The following FRMPD4 variants were observed in gnomAD, a reference collection of about 807,000 sequenced individuals.
FRMPD4 encodes FERM and PDZ domain containing 4.
A neutral mutation model predicts 94.1 loss-of-function variants in FRMPD4; 22 were observed. The ratio of observed to expected loss-of-function variants is 0.23; its 90% CI spans 0.17 to 0.33. The LOEUF is 0.33. Among genes scored for constraint, FRMPD4 ranks in the 10% least tolerant of loss-of-function variants. The pLI is 1.00. For synonymous variants in FRMPD4, 631 were observed against 548.6 expected, an observed-to-expected ratio of 1.15 and a Z score of -2.10; for missense variants, 1,111 against 1,339.9, an observed-to-expected ratio of 0.83 and a Z score of 2.67.
chrX:12,229,310 G>A (rs1466855787), intron 1 of FRMPD4, among the ~76,000 whole-genome samples: 3 of 111,836 alleles, frequency 2.7e-5, no homozygotes, highest in African/African-American at 9.8e-5. Context: ...TCCACTGTGG[G>A]AATTCACTTA....
intron 3 of FRMPD4, among the ~76,000 whole-genome samples, chrX:11,886,357 C>A (rs1032522682): frequency 1.8e-5 from 2 of 111,346 alleles, no homozygotes; most frequent in Non-Finnish European, 1.9e-5. Context: ...GAGAGGAGAT[C>A]GATTTAGACA....
chrX:12,305,725 G>GTTTTTTTTTGTTTTTTTTTTTTT (rs563804861), intron 1 of FRMPD4, among the ~76,000 whole-genome samples: 1 of 59,701 alleles, frequency 1.7e-5, no homozygotes, highest in African/African-American at 7.6e-5. Flanking sequence ...AGCTGGCTAA[G>GTTTTTTTTTGTTTTTTTTTTTTT]TTTTTTTTTT....
intron 3 of FRMPD4, among the ~76,000 whole-genome samples, chrX:12,075,530 C>T (rs988025989): frequency 8.9e-6 from 1 of 111,957 alleles, no homozygotes; most frequent in Non-Finnish European, 1.9e-5. Context: ...ATTCTGCATG[C>T]CTTATGACCA....
chrX:12,143,905 A>G (rs1294995626), intron 1 of FRMPD4, among the ~76,000 whole-genome samples: 1 of 112,303 alleles, frequency 8.9e-6, no homozygotes, highest in Non-Finnish European at 1.9e-5. Flanking sequence ...AAAATTATGC[A>G]TGCTTATTCT....
chrX:12,255,955 C>G (rs1399030896), intron 1 of FRMPD4, among the ~76,000 whole-genome samples: 1 of 112,119 alleles, frequency 8.9e-6, no homozygotes, highest in East Asian at 2.8e-4. Flanking sequence ...GAACTTGATT[C>G]TTGAAGTTGA....
At chrX:12,247,429 C>A (rs2053971908) in intron 1 of FRMPD4, among the ~76,000 whole-genome samples, 1 of 111,948 alleles carries the variant, frequency 8.9e-6, no homozygotes, top group Non-Finnish European at 1.9e-5. Flanking sequence ...AAAATCATTG[C>A]TCTCTCCACT....
At chrX:11,918,686 A>G (rs2054038847) in intron 3 of FRMPD4, among the ~76,000 whole-genome samples, 1 of 112,870 alleles carries the variant, frequency 8.9e-6, no homozygotes, top group Admixed American at 9.3e-5. Flanking sequence ...CTAAAGTTAC[A>G]GATTTGTATG....
intron 2 of FRMPD4, among the ~76,000 whole-genome samples, chrX:12,589,747 A>G: frequency 8.9e-6 from 1 of 112,126 alleles, no homozygotes; most frequent in Non-Finnish European, 1.9e-5. Context: ...TATAGGCATA[A>G]CATTCCAAGG....
At chrX:12,199,380 C>G (rs1240415859) in intron 1 of FRMPD4, among the ~76,000 whole-genome samples, 2 of 109,651 alleles carry the variant, frequency 1.8e-5, no homozygotes, top group African/African-American at 6.6e-5. Context: ...CCCTTTGTCA[C>G]CCTATGATCT....
chrX:11,987,098 TAAAAAAAAAAAA>T (rs35377550), intron 3 of FRMPD4, among the ~76,000 whole-genome samples: 4,700 of 21,706 alleles, frequency 0.22, 149 homozygotes, highest in Non-Finnish European at 0.26. Flanking sequence ...AAAGACACAT[TAAAAAAAAAAAA>T]AAAAAAAAAA....
chrX:12,238,820 C>G (rs1198417263), intron 1 of FRMPD4, among the ~76,000 whole-genome samples: 3 of 112,189 alleles, frequency 2.7e-5, no homozygotes, highest in Non-Finnish European at 5.6e-5. Flanking sequence ...TTACACAGTT[C>G]TACTTTCCTT....
intron 1 of FRMPD4, among the ~76,000 whole-genome samples, chrX:12,212,517 G>A (rs2056765704): frequency 2.7e-5 from 3 of 111,278 alleles, no homozygotes; most frequent in Admixed American, 9.6e-5. Context: ...GGCACTGCAG[G>A]AACTTTATGC....
intron 2 of FRMPD4, among the ~76,000 whole-genome samples, chrX:12,579,812 A>G (rs938838862): frequency 1.8e-5 from 2 of 111,723 alleles, no homozygotes; most frequent in Non-Finnish European, 3.8e-5. Flanking sequence ...GAAAACCGAA[A>G]AGACTTTCTT....
intron 3 of FRMPD4, among the ~76,000 whole-genome samples, chrX:11,915,878 G>T (rs1431782322): frequency 1.8e-5 from 2 of 111,896 alleles, no homozygotes; most frequent in African/African-American, 6.5e-5. Context: ...ACTCATGAGG[G>T]CTGCTATGAG....
intron 3 of FRMPD4, among the ~76,000 whole-genome samples, chrX:12,110,146 T>C (rs2055343847): frequency 8.9e-6 from 1 of 112,378 alleles, no homozygotes; most frequent in Admixed American, 9.4e-5. Flanking sequence ...ATATCCCTGA[T>C]GAACTTTAAT....
upstream of FRMPD4, among the ~76,000 whole-genome samples, chrX:12,138,248 C>A (rs1288163361): frequency 8.9e-6 from 1 of 112,641 alleles, no homozygotes; most frequent in African/African-American, 3.2e-5. Context: ...GTTTTGTTTA[C>A]GGAGCAAACC....
At chrX:12,028,032 C>T (rs184944437) in intron 3 of FRMPD4, among the ~76,000 whole-genome samples, 87 of 112,141 alleles carry the variant, frequency 7.8e-4, no homozygotes, top group African/African-American at 2.7e-3. Flanking sequence ...GAATTAGTGG[C>T]TTAAAAAACA....
intron 3 of FRMPD4, among the ~76,000 whole-genome samples, chrX:12,009,664 C>T (rs762858559): frequency 8.9e-6 from 1 of 111,885 alleles, no homozygotes; most frequent in African/African-American, 3.2e-5. Context: ...ACGGTTTAAT[C>T]TGATAGCTAC....
intron 2 of FRMPD4, among the ~76,000 whole-genome samples, chrX:12,521,777 G>C (rs2058163845): frequency 9.0e-6 from 1 of 111,516 alleles, no homozygotes; most frequent in Admixed American, 9.5e-5. Context: ...AAGATCTTCA[G>C]AATCAGAGGG....
Sources: allele counts gnomAD v4.1 joint callset (sites outside exome capture counted in the v4.1 genomes callset), GRCh38; gene constraint gnomAD v4.1.1; transcripts MANE v1.5; gene names NCBI Gene and HGNC (gene_info 2026-07-23, HGNC 2026-07-21).